NRG1: variants seen among roughly 807,000 people sequenced by gnomAD.
NRG1 encodes the protein neuregulin 1, also known as pro-neuregulin-1, membrane-bound isoform.
Under a neutral mutation model 63.8 loss-of-function variants are expected in NRG1, and 18 were observed. The ratio of observed to expected loss-of-function variants is 0.28; its 90% confidence interval spans 0.19 to 0.42. NRG1 has a LOEUF of 0.42. Ranked by LOEUF, NRG1 falls within the 10% of genes least tolerant of loss-of-function variation. The probability of loss-of-function intolerance (pLI) is 1.00; values close to 1 mark genes in which losing one functional copy is unlikely to be tolerated. For missense variants in NRG1, 762 were observed against 814.7 expected, an observed-to-expected ratio of 0.94 and a Z score of 0.79; for synonymous variants, 302 against 301.3, an observed-to-expected ratio of 1.00 and a Z score of -0.02.
chr8:32,455,671 A>G (rs1263365660), intron 1 of NRG1, among the ~76,000 whole-genome samples: 1 of 152,248 alleles, frequency 6.6e-6, no homozygotes, highest in Admixed American at 6.5e-5. Flanking sequence ...TTTAGATACC[A>G]ATTAGGTTTA....
intron 3 of NRG1, among the ~76,000 whole-genome samples, chr8:32,613,170 G>A (rs113383545): frequency 0.042 from 6,402 of 151,986 alleles, 164 homozygotes; most frequent in Middle Eastern, 0.078. Flanking sequence ...AAGAGCCAAC[G>A]TAGGCAACTT....
chr8:32,606,370 A>C (rs1410461512), intron 3 of NRG1, among the ~76,000 whole-genome samples: 1 of 151,978 alleles, frequency 6.6e-6, no homozygotes, highest in Non-Finnish European at 1.5e-5. Flanking sequence ...TAGAGGCAAT[A>C]AATTTCCTAC....
intron 1 of NRG1, among the ~76,000 whole-genome samples, chr8:32,045,490 A>G (rs1820854186): frequency 6.6e-6 from 1 of 151,982 alleles, no homozygotes. Context: ...GCTAAAATTC[A>G]TATGAAAAGG....
chr8:32,157,436 C>T (rs934918545), intron 1 of NRG1, among the ~76,000 whole-genome samples: 25 of 147,394 alleles, frequency 1.7e-4, no homozygotes, highest in African/African-American at 5.6e-4. Flanking sequence ...CCGAGGCGGG[C>T]GGATCACAAT....
intron 1 of NRG1, among the ~76,000 whole-genome samples, chr8:32,075,924 T>G (rs976308551): frequency 1.3e-5 from 2 of 151,710 alleles, no homozygotes; most frequent in Non-Finnish European, 2.9e-5. Context: ...CCGCCCACCT[T>G]GGCCTCCCAG....
intron 1 of NRG1, among the ~76,000 whole-genome samples, chr8:32,258,211 C>T (rs1396654887): frequency 6.6e-6 from 1 of 152,194 alleles, no homozygotes; most frequent in Non-Finnish European, 1.5e-5. Flanking sequence ...GAGGATTTGA[C>T]TCAGTCTCTT....
intron 1 of NRG1, among the ~76,000 whole-genome samples, chr8:32,239,778 T>C (rs1847924792): frequency 6.6e-6 from 1 of 152,106 alleles, no homozygotes. Flanking sequence ...CCAAAGATGA[T>C]ATACAGATGG....
intron 1 of NRG1, among the ~76,000 whole-genome samples, chr8:32,156,368 T>C (rs1222601202): frequency 6.6e-6 from 1 of 152,242 alleles, no homozygotes; most frequent in Non-Finnish European, 1.5e-5. Context: ...GCTGTTATTA[T>C]ACTTATCAGA....
chr8:31,834,289 G>A (rs1197606647), intron 1 of NRG1, among the ~76,000 whole-genome samples: 1 of 118,590 alleles, frequency 8.4e-6, no homozygotes, highest in Non-Finnish European at 1.7e-5. Flanking sequence ...CTCCCTTCAT[G>A]CGTGTGCGCG....
chr8:32,514,276 C>G (rs775747650), intron 1 of NRG1, among the ~76,000 whole-genome samples: 12 of 152,040 alleles, frequency 7.9e-5, no homozygotes, highest in Non-Finnish European at 1.2e-4. Flanking sequence ...TTGGTTTCTG[C>G]TATTGTGTGT....
chr8:32,259,435 T>C (rs1051395259), intron 1 of NRG1, among the ~76,000 whole-genome samples: 8 of 152,130 alleles, frequency 5.3e-5, no homozygotes, highest in African/African-American at 1.9e-4. Flanking sequence ...CAGTGCTCAC[T>C]TCATCCTTCC....
intron 1 of NRG1, among the ~76,000 whole-genome samples, chr8:32,584,454 G>C (rs1841272684): frequency 6.6e-6 from 1 of 152,188 alleles, no homozygotes; most frequent in Non-Finnish European, 1.5e-5. Context: ...CTGAAGAAGG[G>C]ATGCAGCGTT....
intron 1 of NRG1, among the ~76,000 whole-genome samples, chr8:31,841,653 CCTTCAAA>C (rs1212222851): frequency 6.6e-6 from 1 of 152,012 alleles, no homozygotes; most frequent in Non-Finnish European, 1.5e-5. Flanking sequence ...AAAAAACAGG[CCTTCAAA>C]AATAATAAAA....
intron 1 of NRG1, among the ~76,000 whole-genome samples, chr8:32,260,438 A>G (rs931082735): frequency 4.6e-5 from 7 of 152,246 alleles, no homozygotes; most frequent in Non-Finnish European, 1.0e-4. Flanking sequence ...ACATGGGGTC[A>G]GTCCATAGAA....
chr8:32,739,090 A>C (rs1825768598), intron 6 of NRG1, among the ~76,000 whole-genome samples: 1 of 152,172 alleles, frequency 6.6e-6, no homozygotes, highest in South Asian at 2.1e-4. Context: ...TCACTTAATT[A>C]CATTCCTTCA....
intron 1 of NRG1, among the ~76,000 whole-genome samples, chr8:32,118,308 C>T (rs1459361007): frequency 6.6e-6 from 1 of 151,934 alleles, no homozygotes; most frequent in Non-Finnish European, 1.5e-5. Flanking sequence ...GAGTTGTCCC[C>T]CGACTCGCCG....
chr8:32,600,080 G>C (rs1482199823), intron 2 of NRG1, among the ~76,000 whole-genome samples: 1 of 152,006 alleles, frequency 6.6e-6, no homozygotes, highest in Admixed American at 6.6e-5. Flanking sequence ...CATTCCATAT[G>C]GTTTATGTGA....
At chr8:31,657,869 G>C (rs542174122) in intron 1 of NRG1, among the ~76,000 whole-genome samples, 2 of 152,320 alleles carry the variant, frequency 1.3e-5, no homozygotes, top group African/African-American at 4.8e-5. Context: ...CTGATCTGCT[G>C]TGTAGAACCA....
At chr8:31,673,150 G>A (rs566727584) in intron 1 of NRG1, among the ~76,000 whole-genome samples, 1 of 152,160 alleles carries the variant, frequency 6.6e-6, no homozygotes, top group African/African-American at 2.4e-5. Context: ...ATCAGCTAGG[G>A]TCTTTGTTAA....
Sources: gnomAD v4.1 joint callset for allele counts (sites outside exome capture counted in the v4.1 genomes callset) on GRCh38, gnomAD v4.1.1 for gene constraint, MANE v1.5 for transcripts, NCBI Gene and HGNC (gene_info 2026-07-23, HGNC 2026-07-21) for gene names.